The following ISM1 variants were observed in gnomAD, a reference collection of about 807,000 sequenced individuals.
ISM1 encodes the protein isthmin-1.
In ISM1, 25 loss-of-function variants were observed where a neutral mutation model predicts 46.3. The observed-to-expected ratio is 0.54, with a 90% CI of 0.39 to 0.75. The LOEUF (loss-of-function observed/expected upper bound fraction) is 0.75. Among genes scored for constraint, ISM1 ranks in the 30% least tolerant of loss-of-function variants. The pLI is 0.00. For synonymous variants in ISM1, 255 were observed against 256.7 expected (o/e 0.99, Z 0.06); for missense variants, 536 against 625.4 (o/e 0.86, Z 1.52).
At chr20:13,319,364 A>C in the ISM1 span, among the ~76,000 whole-genome samples, 1 of 152,164 alleles carries the variant, frequency 6.6e-6, no homozygotes, top group African/African-American at 2.4e-5. Flanking sequence ...TGCTAATCAG[A>C]AACTGGAAGT....
chr20:13,321,267 A>AAAAAAAAAAAAAAAAAAAAAC, the ISM1 span, among the ~76,000 whole-genome samples: 1 of 151,088 alleles, frequency 6.6e-6, no homozygotes, highest in African/African-American at 2.4e-5. Flanking sequence ...AAAAAAAAAA[A>AAAAAAAAAAAAAAAAAAAAAC]AAAAAAAAAG....
chr20:13,325,164 G>A, the ISM1 span, among the ~76,000 whole-genome samples: 1 of 152,186 alleles, frequency 6.6e-6, no homozygotes, highest in African/African-American at 2.4e-5. Context: ...CGACAAATGG[G>A]GTGAGGTGGG....
intron 1 of ISM1, among the ~76,000 whole-genome samples, chr20:13,230,387 TC>T (rs2039575425): frequency 3.3e-5 from 5 of 152,206 alleles, no homozygotes. Flanking sequence ...ATGTAATAGT[TC>T]CTTTGTCGTC....
rs60448833 is a variant in ISM1 at position 13,273,215 on chromosome 20, TTTTTATTTTATTTTA to T, written c.378+2497_378+2511del. Among the ~76,000 whole-genome samples, 8 of 130,628 alleles carry T rather than the reference TTTTTATTTTATTTTA, an allele frequency of 6.1e-5. No homozygotes were observed. The South Asian group carries it at 7.4e-4, about 12-fold the overall frequency. The allele number at this position is 130,628 out of a possible 152,430, so 85.7% of individuals were successfully genotyped here. A position where few individuals can be genotyped will look rare whatever the true frequency, so the allele number is the denominator to read the frequency against. ...CCCTACCTAGACCTCACTTGGGTCT[TTTTTATTTTATTTTA>T]TTTTATTTTATTTTATTTTATTTTG... On this transcript the variant is annotated intron_variant, in intron 2 of 5. Transcript: ENST00000262487.
At chr20:13,253,273 C>T (rs2039887520) in intron 1 of ISM1, among the ~76,000 whole-genome samples, 1 of 152,188 alleles carries the variant, frequency 6.6e-6, no homozygotes, top group Non-Finnish European at 1.5e-5. Context: ...GCTTCCTTCA[C>T]CCAGGGACCC....
chr20:13,252,747 C>G (rs2039881941), intron 1 of ISM1, among the ~76,000 whole-genome samples: 1 of 151,652 alleles, frequency 6.6e-6, no homozygotes, highest in Non-Finnish European at 1.5e-5. Flanking sequence ...CAGAGCGAGA[C>G]TCTGTCTCAA....
rs935142608 is a variant in ISM1 at position 13,284,993 on chromosome 20, A to T, written c.644-3547A>T. Among the ~76,000 whole-genome samples, 3 of 152,192 alleles carry T rather than the reference A, an allele frequency of 2.0e-5. No homozygotes were observed. In the South Asian group the frequency reaches 6.2e-4, roughly 32 times the overall value. On this transcript the variant is annotated intron_variant, in intron 3 of 5. Coordinates refer to ENST00000262487, the MANE Select transcript of ISM1 (RefSeq NM_080826.2). ...TAATAGTTAGCTTTTGCTGCTTAGA[A>T]AACCACCCCCAGGCCAGGCATGGTG...
intron 4 of ISM1, among the ~76,000 whole-genome samples, chr20:13,291,383 TG>T (rs1025253620): frequency 6.6e-6 from 1 of 152,224 alleles, no homozygotes; most frequent in African/African-American, 2.4e-5. Flanking sequence ...AAAGTCTCCC[TG>T]GCCTGGCAGT....
chr20:13,276,926 G>A (rs924594757), intron 2 of ISM1, among the ~76,000 whole-genome samples: 26 of 152,204 alleles, frequency 1.7e-4, no homozygotes, highest in African/African-American at 5.5e-4. Context: ...TTTGTTAACT[G>A]TAGGGAAGGG....
chr20:13,325,620 G>A, the ISM1 span, among the ~76,000 whole-genome samples: 5 of 152,162 alleles, frequency 3.3e-5, no homozygotes, highest in African/African-American at 7.2e-5. Flanking sequence ...TTCGGAAGAC[G>A]AAATTCCTTT....
chr20:13,284,784 C>T (rs182195602), intron 3 of ISM1, among the ~76,000 whole-genome samples: 9 of 152,122 alleles, frequency 5.9e-5, no homozygotes, highest in Admixed American at 1.3e-4. Context: ...AGCCACATGG[C>T]GAGTTCTATG....
At chr20:13,298,047 CT>C (rs1282286791) in intron 5 of ISM1, among the ~76,000 whole-genome samples, 1 of 151,840 alleles carries the variant, frequency 6.6e-6, no homozygotes, top group African/African-American at 2.4e-5. Flanking sequence ...CCTTTGGGGC[CT>C]TTTCCATCAT....
intron 5 of ISM1, among the ~76,000 whole-genome samples, chr20:13,297,267 G>A (rs1299177690): frequency 2.0e-5 from 3 of 152,058 alleles, no homozygotes; most frequent in Non-Finnish European, 1.5e-5. Context: ...ACAGGGCTTG[G>A]GTAAAGTTTA....
intron 3 of ISM1, among the ~76,000 whole-genome samples, chr20:13,286,756 C>G (rs1028592114): frequency 6.6e-6 from 1 of 152,218 alleles, no homozygotes; most frequent in Non-Finnish European, 1.5e-5. Flanking sequence ...ATGTAAACAA[C>G]AGCCTGGAAG....
Position 13,273,146 on chromosome 20 carries a change from C to G in ISM1, c.378+2403C>G, listed in dbSNP as rs1360331116. Among the ~76,000 whole-genome samples, 3 of 152,128 alleles carry G rather than the reference C, an allele frequency of 2.0e-5. No individual in the cohort carries two copies. The East Asian group carries it at 5.8e-4, about 29-fold the overall frequency. The stretch of plus-strand genomic sequence containing the variant: ...TTCAGACAGAACTTCTTGGGATCCC[C>G]TTTCTGTCTTCTAGATAAATCCATC... On this transcript the variant is annotated intron_variant, in intron 2 of 5. Coordinates refer to ENST00000262487, the MANE Select transcript of ISM1 (RefSeq NM_080826.2).
chr20:13,253,862 C>CAT lies in ISM1; in HGVS notation c.139-16627_139-16626dup, dbSNP rs546741165. 6.0e-3 allele frequency among the ~76,000 whole-genome samples: 835 copies of CAT among 140,136 alleles called. 4 individuals are homozygous for CAT. Among genetic ancestry groups the CAT allele is most frequent in the African/African-American group, 0.019 (687 of 37,046 alleles). The allele number at this position is 140,136 out of a possible 152,430, so 91.9% of individuals were successfully genotyped here. On this transcript the variant is annotated intron_variant, in intron 1 of 5. Transcript: ENST00000262487. Reference sequence around the variant, plus strand: ...AAAATAACACATACACATCCATATCCATATATATATATATATGTGTGTGTG... The same window carrying CAT: ...AAAATAACACATACACATCCATATCCATATATATATATATATATGTGTGTGTG...
At chr20:13,320,215 C>T in the ISM1 span, among the ~76,000 whole-genome samples, 1 of 152,196 alleles carries the variant, frequency 6.6e-6, no homozygotes, top group Non-Finnish European at 1.5e-5. Context: ...TTCCCTGGAA[C>T]TAAGACTTGT....
chr20:13,309,808 T>A, the ISM1 span, among the ~76,000 whole-genome samples: 1 of 151,194 alleles, frequency 6.6e-6, no homozygotes, highest in African/African-American at 2.4e-5. Context: ...AAAAAAACTA[T>A]CCAAAAAAGA....
chr20:13,276,072 C>A (rs2040176076), intron 2 of ISM1, among the ~76,000 whole-genome samples: 1 of 152,214 alleles, frequency 6.6e-6, no homozygotes, highest in African/African-American at 2.4e-5. Flanking sequence ...ATTTTGTGTT[C>A]TTTCCATGGC....
Sources: allele counts gnomAD v4.1 joint callset (sites outside exome capture counted in the v4.1 genomes callset), GRCh38; gene constraint gnomAD v4.1.1; transcripts MANE v1.5; gene names NCBI Gene and HGNC (gene_info 2026-07-23, HGNC 2026-07-21).